The following PKHD1 variants were observed in gnomAD, a reference collection of about 807,000 sequenced individuals.
The protein encoded by PKHD1 is PKHD1 ciliary IPT domain containing fibrocystin/polyductin, also known as fibrocystin.
PKHD1 carries 291 observed loss-of-function variants against 412.0 expected under a neutral mutation model. The observed-to-expected ratio is 0.71, with a 90% confidence interval of 0.64 to 0.78. PKHD1 has a LOEUF of 0.78. Ranked by LOEUF, PKHD1 falls within the 30% of genes least tolerant of loss-of-function variation. The pLI, the probability that PKHD1 is intolerant of heterozygous loss-of-function variation, is 0.00. For missense variants in PKHD1, 4,825 were observed against 4,950.7 expected (o/e 0.97, Z 0.76); for synonymous variants, 1,777 against 1,821.5 (o/e 0.98, Z 0.62).
At chr6:52,020,868 C>T (rs946950070) in intron 33 of PKHD1, among the ~76,000 whole-genome samples, 5 of 151,912 alleles carry the variant, frequency 3.3e-5, no homozygotes, top group African/African-American at 7.3e-5. Context: ...TGTCTAAGAC[C>T]TATCCCCTTT....
Position 52,083,306 on chromosome 6 carries a change from C to T in PKHD1, c.53-51G>A, listed in dbSNP as rs530659398. ...GGTTTTGAAGGTCAGATTCAAACCA[C>T]TACCTTCTGCAATATTTTAAGCAAT... On this transcript the variant is annotated intron_variant, in intron 2 of 66. Coordinates refer to ENST00000371117, the MANE Select transcript of PKHD1 (RefSeq NM_138694.4). The T allele has an allele frequency of 2.7e-6, 3 of 1,099,058 alleles. No homozygotes were observed. In the East Asian group the frequency reaches 7.1e-5, roughly 26 times the overall value. 68.1% of individuals were successfully genotyped at this position (1,099,058 alleles called of 1,614,324 possible). A position where few individuals can be genotyped will look rare whatever the true frequency, so the allele number is the denominator to read the frequency against.
At chr6:51,728,492 C>T (rs1782854915) in intron 60 of PKHD1, among the ~76,000 whole-genome samples, 1 of 152,170 alleles carries the variant, frequency 6.6e-6, no homozygotes, top group African/African-American at 2.4e-5. Flanking sequence ...TTTATCACAA[C>T]TTATTATTTT....
At chr6:51,845,181 T>C (rs954033820) in intron 50 of PKHD1, among the ~76,000 whole-genome samples, 3 of 152,230 alleles carry the variant, frequency 2.0e-5, no homozygotes, top group Non-Finnish European at 4.4e-5. Flanking sequence ...GTCAGGTATA[T>C]GGAAAACGTG....
chr6:51,912,876 G>A (rs894932605), intron 37 of PKHD1, among the ~76,000 whole-genome samples: 5 of 152,002 alleles, frequency 3.3e-5, no homozygotes, highest in African/African-American at 7.2e-5. Context: ...TTTGAATCAC[G>A]ATCTTTTCAT....
In PKHD1 at chr6:52,009,216, G is replaced by T. The variant is rs1396728541; in HGVS notation, c.5751+1093C>A. Among the ~76,000 whole-genome samples, 5 of 152,306 alleles carry T rather than the reference G, an allele frequency of 3.3e-5. No homozygotes were observed. The East Asian group carries it at 9.7e-4, about 29-fold the overall frequency. On this transcript the variant is annotated intron_variant, in intron 35 of 66. Coordinates refer to ENST00000371117, the MANE Select transcript of PKHD1 (RefSeq NM_138694.4). ...GCCCCAGGCTATCACCTGAAGGGAAGGTCAAGGTGAGGGAGAAGCCTGCAG... is the reference window on the plus strand; with the variant it reads ...GCCCCAGGCTATCACCTGAAGGGAATGTCAAGGTGAGGGAGAAGCCTGCAG...
At chr6:51,978,268 G>A (rs1794714222) in intron 35 of PKHD1, among the ~76,000 whole-genome samples, 1 of 152,146 alleles carries the variant, frequency 6.6e-6, no homozygotes, top group South Asian at 2.1e-4. Flanking sequence ...AAATTTGGGG[G>A]TTTCAAAATT....
intron 36 of PKHD1, among the ~76,000 whole-genome samples, chr6:51,940,613 T>C (rs1788345617): frequency 6.6e-6 from 1 of 151,754 alleles, no homozygotes; most frequent in African/African-American, 2.4e-5. Context: ...CAAGGCTCTC[T>C]GACTGACTCC....
intron 36 of PKHD1, among the ~76,000 whole-genome samples, chr6:51,957,602 G>A (rs190886801): frequency 1.6e-4 from 24 of 152,202 alleles, no homozygotes; most frequent in Non-Finnish European, 2.6e-4. Context: ...AGATCCAGCC[G>A]ACGGGGTTCA....
At chr6:51,627,255 T>C in intron 65 of PKHD1, 139 bp from the exon 66 acceptor site, 1 of 805,280 alleles carries the variant, frequency 1.2e-6, no homozygotes, top group South Asian at 1.4e-5. Context: ...ATATTCAGAG[T>C]TCAAGAAATA....
At chr6:51,956,728 T>C (rs917654856) in intron 36 of PKHD1, among the ~76,000 whole-genome samples, 2 of 152,048 alleles carry the variant, frequency 1.3e-5, no homozygotes, top group African/African-American at 4.8e-5. Context: ...CCCAGATTAG[T>C]TGATATTTTC....
At chr6:51,980,610 T>A (rs1266796604) in intron 35 of PKHD1, among the ~76,000 whole-genome samples, 2 of 152,184 alleles carry the variant, frequency 1.3e-5, no homozygotes, top group Non-Finnish European at 2.9e-5. Context: ...AAGCCAAGCA[T>A]TACAATGAGA....
At chr6:51,724,972 T>C (rs1295265290) in intron 60 of PKHD1, among the ~76,000 whole-genome samples, 1 of 152,110 alleles carries the variant, frequency 6.6e-6, no homozygotes, top group Non-Finnish European at 1.5e-5. Context: ...TGTGAGGTTA[T>C]AGGAAGAAAA....
Position 51,801,654 on chromosome 6 carries a change from TGA to T in PKHD1, c.8303-10283_8303-10282del, listed in dbSNP as rs10582944. Among the ~76,000 whole-genome samples, 636 of 114,020 alleles carry T rather than the reference TGA, an allele frequency of 5.6e-3. 11 individuals are homozygous for T. Among genetic ancestry groups the T allele is most frequent in the African/African-American group, 0.018 (485 of 26,602 alleles). 74.8% of individuals were successfully genotyped at this position (114,020 alleles called of 152,430 possible). On this transcript the variant is annotated intron_variant, in intron 52 of 66. Transcript: ENST00000371117. ...GCTGGCCTGATTGTGTGTGTGTGTG[TGA>T]GAGAGAGAGAGAGAGAGAGAGAGAG...
intron 8 of PKHD1, among the ~76,000 whole-genome samples, chr6:52,071,474 G>T (rs1012398232): frequency 2.0e-5 from 3 of 151,968 alleles, no homozygotes; most frequent in Non-Finnish European, 2.9e-5. Flanking sequence ...ATACACACCA[G>T]TCTGAAAAAG....
At position 52,024,661 on chromosome 6, in the gene PKHD1, T is replaced by G. The variant is rs533522031; in HGVS notation, c.5149A>C (p.Arg1717=). The G allele has an allele frequency of 2.0e-5, 32 of 1,614,160 alleles. No individual in the cohort carries two copies. In the South Asian group the frequency reaches 3.5e-4, roughly 18 times the overall value. Residue 1717 remains arginine (R), a synonymous_variant, in exon 32 of 67, where the codon AGA becomes CGA. Transcript: ENST00000371117. ...CACCCTCTGATGCAGTCATAGCCTC[T>G]GACGTGGTACTCCCCGGCCGGAAGG... ...PSLPAGEYHV[R]GYDCIRGWAS...
At chr6:51,737,034 C>T (rs1466874592) in intron 60 of PKHD1, among the ~76,000 whole-genome samples, 1 of 152,074 alleles carries the variant, frequency 6.6e-6, no homozygotes, top group Non-Finnish European at 1.5e-5. Flanking sequence ...TTTTTATCAA[C>T]CTAATCTTTT....
chr6:51,926,048 A>C (rs1785559623), intron 37 of PKHD1, among the ~76,000 whole-genome samples: 2 of 152,142 alleles, frequency 1.3e-5, no homozygotes, highest in African/African-American at 4.8e-5. Context: ...AAATAAATAC[A>C]AAAAAATGTG....
chr6:51,686,581 A>T (rs1777470293), intron 60 of PKHD1, among the ~76,000 whole-genome samples: 1 of 152,100 alleles, frequency 6.6e-6, no homozygotes, highest in Non-Finnish European at 1.5e-5. Flanking sequence ...TTTTGTCTAT[A>T]GCACTTATAA....
At chr6:52,006,724 C>T (rs901628128) in intron 35 of PKHD1, among the ~76,000 whole-genome samples, 2 of 152,060 alleles carry the variant, frequency 1.3e-5, no homozygotes, top group Non-Finnish European at 1.5e-5. Context: ...TTTGGGGGAA[C>T]AGATGGCATT....
Sources: gnomAD v4.1 joint callset for allele counts (sites outside exome capture counted in the v4.1 genomes callset) on GRCh38, gnomAD v4.1.1 for gene constraint, MANE v1.5 for transcripts, NCBI Gene and HGNC (gene_info 2026-07-23, HGNC 2026-07-21) for gene names.